LARS2: variants seen among roughly 807,000 people sequenced by gnomAD.
LARS2 encodes the protein leucyl-tRNA synthetase 2, mitochondrial, also known as leucine--tRNA ligase, mitochondrial.
Under a neutral mutation model 116.6 loss-of-function variants are expected in LARS2, and 81 were observed. That is an observed-to-expected ratio of 0.69 (90% CI 0.58 to 0.84). The LOEUF is 0.84. Ranked by LOEUF, LARS2 falls within the 40% of genes least tolerant of loss-of-function variation. The pLI is 0.00. For missense variants in LARS2, 968 were observed against 1,114.5 expected (o/e 0.87, Z 1.87); for synonymous variants, 396 against 407.2 (o/e 0.97, Z 0.33).
At chr3:45,416,884 C>A (rs1279271324) in intron 4 of LARS2, among the ~76,000 whole-genome samples, 1 of 151,962 alleles carries the variant, frequency 6.6e-6, no homozygotes, top group Non-Finnish European at 1.5e-5. Context: ...ACCATCCTGG[C>A]TGACATGGTG....
At chr3:45,398,664 G>A (rs778093119) in intron 3 of LARS2, among the ~76,000 whole-genome samples, 3 of 152,156 alleles carry the variant, frequency 2.0e-5, no homozygotes, top group Non-Finnish European at 4.4e-5. Context: ...CTTGGGTGTG[G>A]GGAACCCTCC....
chr3:45,433,402 TATCCCA>T (rs996596607), intron 6 of LARS2, among the ~76,000 whole-genome samples: 8 of 152,128 alleles, frequency 5.3e-5, no homozygotes, highest in African/African-American at 1.4e-4. Flanking sequence ...TGTGTTTTAG[TATCCCA>T]TTGGGTAGCT....
At chr3:45,547,028 T>A (rs183672660) in intron 21 of LARS2, among the ~76,000 whole-genome samples, 1 of 152,370 alleles carries the variant, frequency 6.6e-6, no homozygotes, top group East Asian at 1.9e-4. Flanking sequence ...CATCTCATGC[T>A]GAGGCTTTTT....
intron 8 of LARS2, among the ~76,000 whole-genome samples, chr3:45,467,214 C>G (rs1699438745): frequency 6.6e-6 from 1 of 151,996 alleles, no homozygotes. Context: ...TGCAGAGAGA[C>G]CAGTAAAGAC....
intron 20 of LARS2, among the ~76,000 whole-genome samples, chr3:45,526,316 C>T (rs1282932363): frequency 6.6e-6 from 1 of 152,194 alleles, no homozygotes. Flanking sequence ...AAAGGGATCA[C>T]TGTCATTCCA....
intron 20 of LARS2, among the ~76,000 whole-genome samples, chr3:45,533,856 C>A (rs1372324179): frequency 6.6e-6 from 1 of 152,190 alleles, no homozygotes; most frequent in Non-Finnish European, 1.5e-5. Flanking sequence ...CCATTTCAAA[C>A]TTTGCACCGT....
At chr3:45,446,550 C>T (rs1432679185) in intron 6 of LARS2, among the ~76,000 whole-genome samples, 1 of 152,146 alleles carries the variant, frequency 6.6e-6, no homozygotes, top group Non-Finnish European at 1.5e-5. Flanking sequence ...AGCATCAGGC[C>T]CCCAGTGTAT....
chr3:45,518,110 C>G, intron 18 of LARS2, 38 bp downstream of exon 18: 1 of 1,545,998 alleles, frequency 6.5e-7, no homozygotes, highest in Non-Finnish European at 8.8e-7. Flanking sequence ...AACTCTGTAA[C>G]CAAGCACTCT....
At chr3:45,451,849 A>C (rs187786138) in intron 7 of LARS2, among the ~76,000 whole-genome samples, 157 of 152,072 alleles carry the variant, frequency 1.0e-3, no homozygotes, top group Admixed American at 1.8e-3. Context: ...ATATTTTTGC[A>C]TTTTTTGTTT....
At position 45,486,173 on chromosome 3, in the gene LARS2, G is replaced by T. The variant is rs1281512946; in HGVS notation, c.1123+377G>T. On this transcript the variant is annotated intron_variant, in intron 11 of 21. Coordinates refer to ENST00000645846, the MANE Select transcript of LARS2 (RefSeq NM_015340.4). ...AGCTTTAAAAAAAAAAGGAAGAAAA[G>T]AAAACTCATAGAACCAACAGCAACT... is the stretch of plus-strand genomic sequence containing the variant. 2.0e-5 allele frequency among the ~76,000 whole-genome samples: 3 copies of T among 152,074 alleles called. No individual in the cohort carries two copies. The East Asian group carries it at 5.8e-4, about 29-fold the overall frequency.
Position 45,496,390 on chromosome 3 carries a change from G to A in LARS2, c.1622+17G>A. 6.4e-7 allele frequency: 1 copy of A among 1,572,550 alleles called. No homozygotes were observed. Among genetic ancestry groups the A allele is most frequent in the Non-Finnish European group, 8.8e-7 (1 of 1,142,384 alleles). On this transcript the variant is annotated intron_variant, in intron 14 of 21. Coordinates refer to ENST00000645846, the MANE Select transcript of LARS2 (RefSeq NM_015340.4). ...TCCACACAGGTAAAACGTCCCTGCT[G>A]ATGTCTTTGAGCATTTGTCAGTGTG...
intron 6 of LARS2, among the ~76,000 whole-genome samples, chr3:45,426,887 C>T (rs1698603515): frequency 6.6e-6 from 1 of 152,176 alleles, no homozygotes; most frequent in South Asian, 2.1e-4. Flanking sequence ...GATGTACACT[C>T]TGGCTAATAG....
Position 45,518,003 on chromosome 3 carries a change from G to A in LARS2, c.2145G>A (p.Gln715=), listed in dbSNP as rs1304866750. Residue 715 remains glutamine (Q), a synonymous_variant, in exon 18 of 22, where the codon CAG becomes CAA. Coordinates refer to ENST00000645846, the MANE Select transcript of LARS2 (RefSeq NM_015340.4). ...ARASGKSPQP[Q]LLSNKEKAEA... ...CTTCTGGGAAGTCTCCCCAGCCTCA[G>A]CTGCTGAGTAACAAGGAGAAAGCTG... is the stretch of plus-strand genomic sequence containing the variant. 1 of 1,613,868 alleles carries A rather than the reference G, an allele frequency of 6.2e-7. No individual in the cohort carries two copies. Among genetic ancestry groups the A allele is most frequent in the Non-Finnish European group, 8.5e-7 (1 of 1,179,740 alleles).
At chr3:45,436,346 C>CA (rs573510833) in intron 6 of LARS2, among the ~76,000 whole-genome samples, 12,531 of 134,292 alleles carry the variant, frequency 0.093, 540 homozygotes, top group Non-Finnish European at 0.11. Flanking sequence ...TTCTTTCTTT[C>CA]AAAAAAAAAA....
At chr3:45,396,013 G>A (rs1453694559) in intron 3 of LARS2, among the ~76,000 whole-genome samples, 1 of 152,212 alleles carries the variant, frequency 6.6e-6, no homozygotes, top group Non-Finnish European at 1.5e-5. Flanking sequence ...GTTTAATTCT[G>A]AGTGAGGACA....
intron 6 of LARS2, among the ~76,000 whole-genome samples, chr3:45,444,065 C>G (rs373361769): frequency 6.7e-6 from 1 of 148,542 alleles, no homozygotes; most frequent in Admixed American, 6.8e-5. Flanking sequence ...AGTGCACTGG[C>G]GTGATCTCAG....
intron 13 of LARS2, 134 bp from the exon 14 acceptor site, chr3:45,496,141 G>A (rs1006316144): frequency 3.1e-5 from 21 of 677,146 alleles, no homozygotes; most frequent in Middle Eastern, 4.3e-4. Flanking sequence ...TTACAAGCGT[G>A]AGCCACCACA....
chr3:45,517,756 A>G, intron 17 of LARS2, 147 bp from the exon 18 acceptor site: 2 of 582,758 alleles, frequency 3.4e-6, no homozygotes, highest in East Asian at 3.1e-5. Flanking sequence ...GCCAGGGAGG[A>G]TCCTTCAGCC....
chr3:45,475,862 A>G (rs775962318), intron 9 of LARS2, among the ~76,000 whole-genome samples: 4 of 152,192 alleles, frequency 2.6e-5, no homozygotes, highest in Non-Finnish European at 5.9e-5. Flanking sequence ...TGCATGAAGG[A>G]AGTAGCACCT....
Sources: gnomAD v4.1 joint callset for allele counts (sites outside exome capture counted in the v4.1 genomes callset) on GRCh38, gnomAD v4.1.1 for gene constraint, MANE v1.5 for transcripts, NCBI Gene and HGNC (gene_info 2026-07-23, HGNC 2026-07-21) for gene names.